Variants in RARB observed in about 807,000 individuals in gnomAD.
The protein encoded by RARB is HBV-activated protein.
A neutral mutation model predicts 51.9 loss-of-function variants in RARB; 17 were observed. The ratio of observed to expected loss-of-function variants is 0.33; its 90% CI spans 0.22 to 0.49. RARB has a LOEUF of 0.49. Among genes scored for constraint, RARB ranks in the 20% least tolerant of loss-of-function variants. RARB has a pLI of 0.99. For synonymous variants in RARB, 215 were observed against 195.4 expected, an observed-to-expected ratio of 1.10 and a Z score of -0.84; for missense variants, 369 against 550.8, an observed-to-expected ratio of 0.67 and a Z score of 3.30.
At chr3:25,315,471 G>C (rs114943918) in intron 5 of RARB, among the ~76,000 whole-genome samples, 220 of 152,270 alleles carry the variant, frequency 1.4e-3, no homozygotes, top group African/African-American at 4.8e-3. Flanking sequence ...TCAGAAGCTT[G>C]AGACTTCCTA....
intron 5 of RARB, among the ~76,000 whole-genome samples, chr3:25,313,745 T>C (rs1219678393): frequency 6.6e-6 from 1 of 152,120 alleles, no homozygotes; most frequent in Non-Finnish European, 1.5e-5. Flanking sequence ...TACAAAATTA[T>C]GTACAAAAGG....
chr3:25,090,931 T>C (rs1339276146), intron 3 of RARB, among the ~76,000 whole-genome samples: 1 of 152,136 alleles, frequency 6.6e-6, no homozygotes, highest in Non-Finnish European at 1.5e-5. Flanking sequence ...AACTGCTACA[T>C]GTATATTATT....
At chr3:24,836,122 T>G (rs1702341988) in intron 1 of RARB, among the ~76,000 whole-genome samples, 2 of 152,196 alleles carry the variant, frequency 1.3e-5, no homozygotes, top group Admixed American at 6.5e-5. Flanking sequence ...TGAATGTGGA[T>G]AATGCTAGAT....
chr3:24,945,873 T>C (rs1412091282), intron 2 of RARB, among the ~76,000 whole-genome samples: 1 of 152,222 alleles, frequency 6.6e-6, no homozygotes, highest in Non-Finnish European at 1.5e-5. Flanking sequence ...GTTAATATTT[T>C]GCTTTCAAAC....
chr3:24,881,547 G>A (rs1368866049), intron 2 of RARB, among the ~76,000 whole-genome samples: 3 of 152,022 alleles, frequency 2.0e-5, no homozygotes, highest in Admixed American at 2.0e-4. Flanking sequence ...AATCTCTTGG[G>A]ACCAAGAGAA....
At chr3:24,935,586 G>A (rs1006280310) in intron 2 of RARB, among the ~76,000 whole-genome samples, 1 of 152,168 alleles carries the variant, frequency 6.6e-6, no homozygotes, top group South Asian at 2.1e-4. Context: ...AATTCTATAG[G>A]CAAATATTGG....
intron 5 of RARB, among the ~76,000 whole-genome samples, chr3:25,209,746 A>T (rs940104580): frequency 6.6e-6 from 1 of 152,152 alleles, no homozygotes; most frequent in African/African-American, 2.4e-5. Flanking sequence ...AAAAAGACCA[A>T]GTTCTCAGAC....
chr3:25,572,956 C>T (rs1394311606), intron 4 of RARB, among the ~76,000 whole-genome samples: 8 of 152,138 alleles, frequency 5.3e-5, no homozygotes, highest in Admixed American at 6.5e-5. Context: ...CTGGAACATG[C>T]GCCCTGGTGT....
chr3:25,262,464 G>C (rs977311429), intron 5 of RARB, among the ~76,000 whole-genome samples: 22 of 152,120 alleles, frequency 1.4e-4, no homozygotes, highest in African/African-American at 5.3e-4. Flanking sequence ...GATCTCATTG[G>C]GCTAACGTCA....
chr3:25,043,299 G>A (rs141455771), intron 2 of RARB, among the ~76,000 whole-genome samples: 194 of 152,192 alleles, frequency 1.3e-3, no homozygotes, highest in African/African-American at 4.5e-3. Flanking sequence ...ATGTGTATCT[G>A]GCCATTCTTA....
At chr3:24,871,153 T>A (rs1415498829) in intron 2 of RARB, among the ~76,000 whole-genome samples, 1 of 152,176 alleles carries the variant, frequency 6.6e-6, no homozygotes, top group African/African-American at 2.4e-5. Context: ...TCTTTATAAT[T>A]TGTAAGAGAA....
intron 4 of RARB, among the ~76,000 whole-genome samples, chr3:25,159,462 A>T (rs1020014624): frequency 4.7e-5 from 7 of 149,710 alleles, no homozygotes; most frequent in Non-Finnish European, 7.4e-5. Context: ...TACAGGCGTG[A>T]GCCACCGTGC....
intron 2 of RARB, among the ~76,000 whole-genome samples, chr3:24,869,399 G>C: frequency 6.6e-6 from 1 of 152,036 alleles, no homozygotes; most frequent in East Asian, 1.9e-4. Context: ...ATCAAATTAT[G>C]CTTCCTGATT....
chr3:24,971,534 C>G (rs988356335), intron 2 of RARB, among the ~76,000 whole-genome samples: 8 of 151,982 alleles, frequency 5.3e-5, no homozygotes, highest in African/African-American at 1.9e-4. Flanking sequence ...AATGATGTTT[C>G]TACATTTTTA....
At chr3:25,559,921 C>A (rs1186799022) in intron 3 of RARB, among the ~76,000 whole-genome samples, 2 of 152,008 alleles carry the variant, frequency 1.3e-5, no homozygotes, top group Non-Finnish European at 2.9e-5. Flanking sequence ...GATAAACAGG[C>A]AATTCTTTCT....
chr3:25,441,883 C>T (rs574208372), intron 1 of RARB, among the ~76,000 whole-genome samples: 1 of 152,198 alleles, frequency 6.6e-6, no homozygotes, highest in Admixed American at 6.5e-5. Flanking sequence ...AGTACTTGGT[C>T]TATGATCCTC....
chr3:25,081,621 A>ATATATATATATAT (rs1553631108), intron 3 of RARB, among the ~76,000 whole-genome samples: 3 of 5,802 alleles, frequency 5.2e-4, no homozygotes, highest in Non-Finnish European at 9.2e-4. Flanking sequence ...ATATATATAT[A>ATATATATATATAT]TTTTTTTTTT....
At chr3:25,114,938 G>A (rs1432765433) in intron 3 of RARB, among the ~76,000 whole-genome samples, 1 of 152,184 alleles carries the variant, frequency 6.6e-6, no homozygotes, top group Admixed American at 6.5e-5. Flanking sequence ...TGGACTCTGA[G>A]TATAAAGAAG....
intron 5 of RARB, among the ~76,000 whole-genome samples, chr3:25,250,057 C>G (rs753804422): frequency 6.6e-6 from 1 of 151,996 alleles, no homozygotes; most frequent in South Asian, 2.1e-4. Flanking sequence ...GTAGGACAAC[C>G]CTCTGACTCC....
Sources: gnomAD v4.1 joint callset for allele counts (sites outside exome capture counted in the v4.1 genomes callset) on GRCh38, gnomAD v4.1.1 for gene constraint, MANE v1.5 for transcripts, NCBI Gene and HGNC (gene_info 2026-07-23, HGNC 2026-07-21) for gene names.